Variants in EGF observed in about 807,000 individuals in gnomAD.
The protein encoded by EGF is pro-epidermal growth factor.
In EGF, 95 loss-of-function variants were observed where a neutral mutation model predicts 143.8. That is an observed-to-expected ratio of 0.66 (90% CI 0.56 to 0.78). The LOEUF (loss-of-function observed/expected upper bound fraction) is 0.78, where lower values mean the gene tolerates loss of function less well. Ranked by LOEUF, EGF falls within the 30% of genes least tolerant of loss-of-function variation. The pLI, the probability that EGF is intolerant of heterozygous loss-of-function variation, is 0.00. For missense variants in EGF, 1,320 were observed against 1,470.9 expected (o/e 0.90, Z 1.68); for synonymous variants, 510 against 510.5 (o/e 1.00, Z 0.01).
At chr4:109,961,571 T>C (rs1162830075) in intron 7 of EGF, among the ~76,000 whole-genome samples, 1 of 152,222 alleles carries the variant, frequency 6.6e-6, no homozygotes, top group Non-Finnish European at 1.5e-5. Context: ...TTTCATTGTA[T>C]ATCTCTAAAG....
At chr4:109,995,532 C>T (rs1030344714) in intron 20 of EGF, among the ~76,000 whole-genome samples, 1 of 152,178 alleles carries the variant, frequency 6.6e-6, no homozygotes, top group Non-Finnish European at 1.5e-5. Flanking sequence ...GAGACATTCC[C>T]ACTGTGCTCA....
chr4:109,982,102 T>A (rs1174040256), intron 15 of EGF, among the ~76,000 whole-genome samples: 1 of 150,722 alleles, frequency 6.6e-6, no homozygotes, highest in Non-Finnish European at 1.5e-5. Context: ...GCCTGGCTAA[T>A]TTATTTTTAT....
At chr4:109,981,528 T>C (rs72676957) in intron 15 of EGF, among the ~76,000 whole-genome samples, 8,038 of 152,294 alleles carry the variant, frequency 0.053, 325 homozygotes, top group Middle Eastern at 0.13. Flanking sequence ...GTAGTACTTA[T>C]TTGCCTCCCT....
chr4:109,972,472 A>G (rs1467350205), intron 11 of EGF, among the ~76,000 whole-genome samples: 2 of 152,110 alleles, frequency 1.3e-5, no homozygotes, highest in African/African-American at 2.4e-5. Flanking sequence ...ATGAGATCAG[A>G]AGTGACAGTT....
intron 22 of EGF, among the ~76,000 whole-genome samples, chr4:110,005,036 C>CTTTTTTTTTTTTTTTTTTTTT (rs538062029): frequency 8.7e-5 from 7 of 80,740 alleles, no homozygotes; most frequent in Admixed American, 3.4e-4. Flanking sequence ...TTTTCTCTGT[C>CTTTTTTTTTTTTTTTTTTTTT]TTTTTTTTTT....
intron 18 of EGF, among the ~76,000 whole-genome samples, chr4:109,991,118 G>A (rs1401612974): frequency 6.6e-6 from 1 of 152,076 alleles, no homozygotes; most frequent in Non-Finnish European, 1.5e-5. Context: ...TTGTCCCAAA[G>A]TTTCTACTAA....
At chr4:109,923,103 T>A (rs1738071767) in intron 1 of EGF, among the ~76,000 whole-genome samples, 1 of 151,506 alleles carries the variant, frequency 6.6e-6, no homozygotes, top group Non-Finnish European at 1.5e-5. Context: ...TCCCCATTAA[T>A]TATTTTTTTT....
At chr4:109,955,377 C>T (rs1387754563) in intron 5 of EGF, among the ~76,000 whole-genome samples, 1 of 152,050 alleles carries the variant, frequency 6.6e-6, no homozygotes, top group Non-Finnish European at 1.5e-5. Context: ...CTGGCTTTGG[C>T]CTATTTTGAA....
In EGF at chr4:109,927,596, C is replaced by T. The variant is rs574389576; in HGVS notation, c.128-13350C>T. On this transcript the variant is annotated intron_variant, in intron 1 of 23. Transcript: ENST00000265171. ...AAAATTAGTTGGGCGTGGTGGCGGG[C>T]GCTTGTGGTCCCAGCTACTCGGGAG... Among the ~76,000 whole-genome samples, 1,182 of 151,742 alleles carry T rather than the reference C, an allele frequency of 7.8e-3. 14 individuals are homozygous for T. Among genetic ancestry groups the T allele is most frequent in the African/African-American group, 0.027 (1,111 of 41,346 alleles).
rs749681043 is a variant in EGF, at chr4:110,004,650, G to C, written c.3291+28G>C. The stretch of plus-strand genomic sequence containing the variant: ...AATGTGACCAAAGCAGATGAAGCAA[G>C]GAATTGGCTTGATATTAACCCCTAT... On this transcript the variant is annotated intron_variant, in intron 22 of 23. Coordinates refer to ENST00000265171, the MANE Select transcript of EGF (RefSeq NM_001963.6). 1.2e-5 allele frequency: 20 copies of C among 1,601,602 alleles called. No homozygotes were observed. In the Admixed American group the frequency reaches 2.8e-4, roughly 23 times the overall value.
At chr4:110,004,146 TTAG>T (rs1752923082) in intron 21 of EGF, 1 of 359,308 alleles carries the variant, frequency 2.8e-6, no homozygotes, top group Non-Finnish European at 5.4e-6. Flanking sequence ...TGGGGTATAG[TTAG>T]TACTCAATAG....
intron 13 of EGF, among the ~76,000 whole-genome samples, chr4:109,979,285 G>T (rs1023656636): frequency 1.2e-4 from 19 of 152,100 alleles, no homozygotes; most frequent in African/African-American, 4.3e-4. Flanking sequence ...AGATGGGAGA[G>T]AGGTTATAGT....
At position 109,943,267 on chromosome 4, in the gene EGF, T is replaced by C. The variant is rs922894532; in HGVS notation, c.341T>C (p.Ile114Thr). The change falls in exon 3 of 24, where the codon ATA becomes ACA. Residue 114 changes from isoleucine (I) to threonine (T), a missense_variant. Coordinates refer to ENST00000265171, the MANE Select transcript of EGF (RefSeq NM_001963.6). ...NGSRQERVCN[I>T]EKNVSGMAIN... ...TTGATTTTGCAGAGAGTATGTAATATAGAGAAAAATGTTTCTGGAATGGCA... is the reference window on the plus strand; with the variant it reads ...TTGATTTTGCAGAGAGTATGTAATACAGAGAAAAATGTTTCTGGAATGGCA... 6 of 1,605,196 alleles carry C rather than the reference T, an allele frequency of 3.7e-6. No homozygotes were observed. In the African/African-American group the frequency reaches 5.4e-5, roughly 14 times the overall value.
rs994778409 is a variant in EGF, at chr4:109,991,217, T to A, written c.2735-2030T>A. Reference sequence around the variant, plus strand: ...AAATATATCCAAAATATTAACATTTTAATATCAGTGTAAAAATTATTGAGA... The same window carrying A: ...AAATATATCCAAAATATTAACATTTAAATATCAGTGTAAAAATTATTGAGA... On this transcript the variant is annotated intron_variant, in intron 18 of 23. Coordinates refer to ENST00000265171, the MANE Select transcript of EGF (RefSeq NM_001963.6). 4.4e-5 allele frequency among the ~76,000 whole-genome samples: 6 copies of A among 137,102 alleles called. No individual in the cohort carries two copies. The East Asian group carries it at 1.1e-3, about 25-fold the overall frequency. 89.9% of individuals were successfully genotyped at this position (137,102 alleles called of 152,430 possible).
At chr4:109,959,484 A>G in intron 6 of EGF, 47 bp downstream of exon 6, 6 of 1,612,292 alleles carry the variant, frequency 3.7e-6, no homozygotes, top group Non-Finnish European at 5.1e-6. Flanking sequence ...TCGCTGCTTG[A>G]GGGGAGGAAT....
At chr4:109,954,705 G>T (rs926987633) in intron 5 of EGF, among the ~76,000 whole-genome samples, 30 of 152,048 alleles carry the variant, frequency 2.0e-4, no homozygotes, top group Non-Finnish European at 2.6e-4. Context: ...TATTTTATGT[G>T]CATGTTTATA....
intron 1 of EGF, among the ~76,000 whole-genome samples, chr4:109,914,564 T>C (rs1406178216): frequency 1.3e-5 from 2 of 152,192 alleles, no homozygotes; most frequent in African/African-American, 4.8e-5. Flanking sequence ...GCACTCCTTG[T>C]AACAGGTGAG....
chr4:109,914,585 G>A (rs1489271000), intron 1 of EGF, among the ~76,000 whole-genome samples: 1 of 152,110 alleles, frequency 6.6e-6, no homozygotes, highest in South Asian at 2.1e-4. Flanking sequence ...CAGAACTCTA[G>A]GGTATTTGAA....
At chr4:109,970,773 G>T (rs183012738) in intron 11 of EGF, among the ~76,000 whole-genome samples, 3 of 144,150 alleles carry the variant, frequency 2.1e-5, no homozygotes, top group South Asian at 2.3e-4. Flanking sequence ...TGCAGTGAGC[G>T]GAGATCGCAC....
Sources: gnomAD v4.1 joint callset for allele counts (sites outside exome capture counted in the v4.1 genomes callset) on GRCh38, gnomAD v4.1.1 for gene constraint, MANE v1.5 for transcripts, NCBI Gene and HGNC (gene_info 2026-07-23, HGNC 2026-07-21) for gene names.